The following AUTS2 variants were observed in gnomAD, a reference collection of about 807,000 sequenced individuals.
AUTS2 encodes activator of transcription and developmental regulator AUTS2, also known as autism susceptibility gene 2 protein.
AUTS2 carries 17 observed loss-of-function variants against 112.4 expected under a neutral mutation model. The observed-to-expected ratio is 0.15, with a 90% CI of 0.10 to 0.23. AUTS2 has a LOEUF of 0.23. Ranked by LOEUF, AUTS2 falls within the 10% of genes least tolerant of loss-of-function variation. The pLI, the probability that AUTS2 is intolerant of heterozygous loss-of-function variation, is 1.00. For missense variants in AUTS2, 1,510 were observed against 1,701.6 expected, an observed-to-expected ratio of 0.89 and a Z score of 1.98; for synonymous variants, 751 against 702.7, an observed-to-expected ratio of 1.07 and a Z score of -1.09.
At chr7:70,639,780 G>C (rs1277485504) in intron 5 of AUTS2, among the ~76,000 whole-genome samples, 1 of 151,316 alleles carries the variant, frequency 6.6e-6, no homozygotes, top group Admixed American at 6.6e-5. Context: ...TTCTTTCTGA[G>C]GGGACTATAA....
At chr7:70,741,434 G>A (rs1788101430) in intron 6 of AUTS2, among the ~76,000 whole-genome samples, 1 of 152,136 alleles carries the variant, frequency 6.6e-6, no homozygotes, top group Admixed American at 6.5e-5. Flanking sequence ...GCTTACGCCT[G>A]TAATTCCAGC....
chr7:70,670,130 A>G (rs181164439), intron 5 of AUTS2, among the ~76,000 whole-genome samples: 3 of 152,074 alleles, frequency 2.0e-5, no homozygotes, highest in Non-Finnish European at 4.4e-5. Context: ...CTGTCTGAGG[A>G]CCTCCTCTCA....
chr7:70,104,846 T>C (rs949874094), intron 2 of AUTS2, among the ~76,000 whole-genome samples: 1 of 152,190 alleles, frequency 6.6e-6, no homozygotes, highest in Non-Finnish European at 1.5e-5. Context: ...CTCTTTTTTC[T>C]TAAAGGAGGG....
chr7:70,544,215 G>A (rs996045044), intron 5 of AUTS2, among the ~76,000 whole-genome samples: 5 of 152,184 alleles, frequency 3.3e-5, no homozygotes, highest in African/African-American at 4.8e-5. Context: ...TCTTCCGGGT[G>A]CCAGGAGGCT....
At chr7:69,905,692 A>G (rs970680830) in intron 2 of AUTS2, among the ~76,000 whole-genome samples, 3 of 152,126 alleles carry the variant, frequency 2.0e-5, no homozygotes, top group East Asian at 1.9e-4. Context: ...TCACATGCCA[A>G]TCTCCTCTGG....
intron 4 of AUTS2, among the ~76,000 whole-genome samples, chr7:70,244,953 C>G (rs962203393): frequency 6.6e-6 from 1 of 151,622 alleles, no homozygotes; most frequent in Non-Finnish European, 1.5e-5. Context: ...AACCCCGTCT[C>G]TACTAAAAAT....
intron 5 of AUTS2, among the ~76,000 whole-genome samples, chr7:70,622,103 G>A (rs962428479): frequency 1.3e-5 from 2 of 151,982 alleles, no homozygotes; most frequent in Non-Finnish European, 2.9e-5. Context: ...CTCCCAAAGT[G>A]CTGGGATTAC....
chr7:70,367,157 CAG>C (rs1285828593), intron 4 of AUTS2, among the ~76,000 whole-genome samples: 1 of 152,028 alleles, frequency 6.6e-6, no homozygotes, highest in African/African-American at 2.4e-5. Flanking sequence ...GTGGTCTACT[CAG>C]GGGCTGAGGC....
At chr7:70,620,599 G>A (rs1804622588) in intron 5 of AUTS2, among the ~76,000 whole-genome samples, 1 of 152,122 alleles carries the variant, frequency 6.6e-6, no homozygotes, top group South Asian at 2.1e-4. Flanking sequence ...CCTGAACCTT[G>A]ACCCTTAGCG....
At chr7:70,597,247 C>T (rs1292300379) in intron 5 of AUTS2, among the ~76,000 whole-genome samples, 1 of 152,168 alleles carries the variant, frequency 6.6e-6, no homozygotes, top group Non-Finnish European at 1.5e-5. Context: ...AAAATCTGAA[C>T]GGCTTAGAAA....
At chr7:70,727,539 G>T (rs548900684) in intron 6 of AUTS2, among the ~76,000 whole-genome samples, 2 of 152,040 alleles carry the variant, frequency 1.3e-5, no homozygotes, top group African/African-American at 2.4e-5. Flanking sequence ...GTAGAGATGG[G>T]GTTTCAACAT....
rs11289784 is a variant in AUTS2 at position 69,921,327 on chromosome 7, GTTT to G, written c.522+21852_522+21854del. On this transcript the variant is annotated intron_variant, in intron 2 of 18. Transcript: ENST00000342771. ...TCTGGTTTTAGTATTTAGACTTGAA[GTTT>G]TTTTTTTTTTTTTTTTTTTTTTAAC... Among the ~76,000 whole-genome samples the G allele has an allele frequency of 1.5e-3, 134 of 90,402 alleles. 2 individuals are homozygous for G. The South Asian group carries it at 0.015, about 10-fold the overall frequency. 59.3% of individuals were successfully genotyped at this position (90,402 alleles called of 152,430 possible).
At chr7:69,746,335 C>G (rs758021178) in intron 1 of AUTS2, among the ~76,000 whole-genome samples, 3 of 152,178 alleles carry the variant, frequency 2.0e-5, no homozygotes, top group African/African-American at 4.8e-5. Flanking sequence ...AGGCTCTGTG[C>G]TCATGAAACT....
intron 2 of AUTS2, among the ~76,000 whole-genome samples, chr7:70,084,390 G>A (rs1023636636): frequency 6.6e-6 from 1 of 152,094 alleles, no homozygotes; most frequent in African/African-American, 2.4e-5. Context: ...ACATTCTCTT[G>A]GACAAATAAG....
intron 2 of AUTS2, among the ~76,000 whole-genome samples, chr7:69,949,557 C>G (rs938589761): frequency 4.6e-5 from 7 of 152,176 alleles, no homozygotes; most frequent in African/African-American, 1.2e-4. Context: ...AAAAGATTTA[C>G]TTTAGTTTTT....
At position 70,413,077 on chromosome 7, in the gene AUTS2, T is replaced by C. The variant is rs1794842094; in HGVS notation, c.661-22675T>C. The stretch of plus-strand genomic sequence containing the variant: ...GGCACTACTGCCAGCACTGGGGAAC[T>C]GGGAGGAGAGCTGAGGAACAGCTCC... On this transcript the variant is annotated intron_variant, in intron 4 of 18. Coordinates refer to ENST00000342771, the MANE Select transcript of AUTS2 (RefSeq NM_015570.4). Among the ~76,000 whole-genome samples, 7 of 152,218 alleles carry C rather than the reference T, an allele frequency of 4.6e-5. 1 individual carries two copies. In the South Asian group the frequency reaches 1.5e-3, roughly 32 times the overall value.
chr7:69,781,919 A>G (rs957997470), intron 1 of AUTS2, among the ~76,000 whole-genome samples: 51 of 152,170 alleles, frequency 3.4e-4, no homozygotes, highest in South Asian at 4.1e-4. Context: ...TGGGCTCTCT[A>G]GCAGAAAGAC....
intron 2 of AUTS2, among the ~76,000 whole-genome samples, chr7:70,108,783 CAAAA>C (rs528009205): frequency 2.0e-3 from 138 of 69,096 alleles, no homozygotes; most frequent in African/African-American, 6.9e-3. Context: ...GCCAACATGG[CAAAA>C]AAAAAAAAAA....
intron 5 of AUTS2, among the ~76,000 whole-genome samples, chr7:70,684,283 G>A (rs185958212): frequency 8.5e-5 from 13 of 152,260 alleles, no homozygotes; most frequent in East Asian, 5.8e-4. Flanking sequence ...ACTAACATGC[G>A]GTTGGCCACC....
Sources: allele counts gnomAD v4.1 joint callset (sites outside exome capture counted in the v4.1 genomes callset), GRCh38; gene constraint gnomAD v4.1.1; transcripts MANE v1.5; gene names NCBI Gene and HGNC (gene_info 2026-07-23, HGNC 2026-07-21).